ACIN1: variants seen among roughly 807,000 people sequenced by gnomAD.
ACIN1 encodes apoptotic chromatin condensation inducer in the nucleus.
ACIN1 carries 16 observed loss-of-function variants against 146.6 expected under a neutral mutation model. The ratio of observed to expected loss-of-function variants is 0.11; its 90% CI spans 0.07 to 0.17. The LOEUF is 0.17. Ranked by LOEUF, ACIN1 falls within the 10% of genes least tolerant of loss-of-function variation. ACIN1 has a pLI of 1.00. For missense variants in ACIN1, 1,357 were observed against 1,609.3 expected, an observed-to-expected ratio of 0.84 and a Z score of 2.68; for synonymous variants, 569 against 582.7, an observed-to-expected ratio of 0.98 and a Z score of 0.34.
In ACIN1 at chr14:23,071,224, A is replaced by G; in HGVS notation, c.2124-1607T>C. The G allele has an allele frequency of 6.6e-6, 10 of 1,516,918 alleles. No homozygotes were observed. In the South Asian group the frequency reaches 9.1e-5, roughly 14 times the overall value. 94.0% of individuals were successfully genotyped at this position (1,516,918 alleles called of 1,614,324 possible). On this transcript the variant is annotated intron_variant, in intron 8 of 18. Coordinates refer to ENST00000605057, the MANE Select transcript of ACIN1 (RefSeq NM_001386863.1). ...AAATAACAAAAACCAAACAAAAAAA[A>G]TCCTAAAAAAAATAAAGAAAAAAAA...
intron 8 of ACIN1, among the ~76,000 whole-genome samples, chr14:23,077,174 ACTACC>A (rs901012961): frequency 6.6e-6 from 1 of 152,232 alleles, no homozygotes; most frequent in South Asian, 2.1e-4. Context: ...TCACCTGCCC[ACTACC>A]CTCCAAAAGT....
chr14:23,081,117 G>C (rs2047933968), intron 5 of ACIN1, among the ~76,000 whole-genome samples: 1 of 151,808 alleles, frequency 6.6e-6, no homozygotes, highest in Admixed American at 6.6e-5. Context: ...GGTGGATAGG[G>C]GGCTGAAAGG....
intron 13 of ACIN1, 121 bp downstream of exon 13, chr14:23,063,315 A>C: frequency 7.5e-7 from 1 of 1,333,510 alleles, no homozygotes; most frequent in Non-Finnish European, 1.0e-6. Context: ...TAGGAGAAAG[A>C]TATGATATAC....
rs1395050722 is a variant in ACIN1, at chr14:23,068,287, G to C, written c.2265+1189C>G. 1.0e-6 allele frequency: 1 copy of C among 985,868 alleles called. No individual in the cohort carries two copies. The highest frequency in any genetic ancestry group is 1.2e-6 in the Non-Finnish European group (1 of 830,008). 61.1% of individuals were successfully genotyped at this position (985,868 alleles called of 1,614,324 possible). The stretch of plus-strand genomic sequence containing the variant: ...TAGATGGGGATCCCAACAGTCTGTA[G>C]CAAACAAGGCAACCCACAGTCCTCA... On this transcript the variant is annotated intron_variant, in intron 9 of 18. Transcript: ENST00000605057. The surrounding 1 kb of genome is among the most constrained non-coding windows in gnomAD (Gnocchi z 4.3).
At chr14:23,071,764 T>G in intron 8 of ACIN1, 5 of 451,304 alleles carry the variant, frequency 1.1e-5, no homozygotes, top group East Asian at 3.7e-5. Flanking sequence ...GCTGGAGTGC[T>G]CCCTCCTGGT....
chr14:23,059,821 T>C (rs2097550499), intron 18 of ACIN1, among the ~76,000 whole-genome samples: 1 of 150,444 alleles, frequency 6.6e-6, no homozygotes, highest in African/African-American at 2.5e-5. Flanking sequence ...GCCCGGCTAA[T>C]TTTTTTGTAT....
intron 10 of ACIN1, among the ~76,000 whole-genome samples, chr14:23,064,951 A>G (rs1229757484): frequency 6.6e-6 from 1 of 151,962 alleles, no homozygotes; most frequent in African/African-American, 2.4e-5. Context: ...CCATGGCTTC[A>G]GACTGAACAC....
chr14:23,095,190 C>A, upstream of ACIN1: 1 of 1,614,208 alleles, frequency 6.2e-7, no homozygotes, highest in Non-Finnish European at 8.5e-7. Context: ...TCGAACGTAC[C>A]GAGATGACCC....
rs2047175626 is a variant in ACIN1, at chr14:23,058,813, C to A, written c.*335G>T. The A allele has an allele frequency of 2.9e-6, 1 of 349,122 alleles. No homozygotes were observed. The highest frequency in any genetic ancestry group is 4.4e-5 in the South Asian group (1 of 22,850). 21.6% of individuals were successfully genotyped at this position (349,122 alleles called of 1,614,324 possible). A position where few individuals can be genotyped will look rare whatever the true frequency, so the allele number is the denominator to read the frequency against. On this transcript the variant is annotated 3_prime_UTR_variant, in exon 19 of 19. Transcript: ENST00000605057. Reference sequence around the variant, plus strand: ...TGTTCCCAAGAGAAGGCTGTAAGTACCCAGGGAGGTGGTAAGCAGGATGGA... The same window carrying A: ...TGTTCCCAAGAGAAGGCTGTAAGTAACCAGGGAGGTGGTAAGCAGGATGGA...
chr14:23,095,153 A>C, upstream of ACIN1: 1 of 1,614,156 alleles, frequency 6.2e-7, no homozygotes, highest in South Asian at 1.1e-5. Flanking sequence ...GGCTTCGGGC[A>C]TCTTCGGTAA....
intron 8 of ACIN1, among the ~76,000 whole-genome samples, chr14:23,074,404 A>G (rs1225362167): frequency 1.3e-5 from 2 of 151,852 alleles, no homozygotes; most frequent in African/African-American, 4.8e-5. Context: ...CATCTCTATT[A>G]AAAATAGAAA....
chr14:23,074,601 T>A (rs2047751981), intron 8 of ACIN1, among the ~76,000 whole-genome samples: 1 of 152,132 alleles, frequency 6.6e-6, no homozygotes, highest in South Asian at 2.1e-4. Flanking sequence ...TCCTTGAAAC[T>A]GTCCCCAAAA....
intron 5 of ACIN1, 87 bp downstream of exon 5, chr14:23,081,661 G>C: frequency 8.6e-7 from 1 of 1,162,334 alleles, no homozygotes; most frequent in South Asian, 1.4e-5. Flanking sequence ...TAAATGTAGA[G>C]ACATACAAAC....
intron 8 of ACIN1, among the ~76,000 whole-genome samples, chr14:23,070,731 A>G (rs1458044296): frequency 6.6e-6 from 1 of 151,998 alleles, no homozygotes; most frequent in African/African-American, 2.4e-5. Context: ...GCCGATAACC[A>G]CCACCAGAAA....
chr14:23,064,613 T>A, intron 10 of ACIN1, 125 bp from the exon 11 acceptor site: 3 of 1,382,150 alleles, frequency 2.2e-6, no homozygotes. Flanking sequence ...AAATCATATT[T>A]GGAGGCTGAG....
intron 9 of ACIN1, 184 bp from the exon 10 acceptor site, chr14:23,066,192 G>T: frequency 1.8e-6 from 1 of 548,684 alleles, no homozygotes; most frequent in Non-Finnish European, 3.2e-6. Context: ...CGGCAAAAAC[G>T]AAGCAGAATC....
At chr14:23,071,138 C>T (rs907428847) in intron 8 of ACIN1, 106 of 1,551,564 alleles carry the variant, frequency 6.8e-5, no homozygotes, top group Non-Finnish European at 8.9e-5. Context: ...TCTTTGCTTT[C>T]TGATAACATG....
intron 14 of ACIN1, 141 bp from the exon 15 acceptor site, chr14:23,062,664 T>C (rs2047325494): frequency 1.2e-6 from 1 of 844,322 alleles, no homozygotes; most frequent in African/African-American, 1.7e-5. Flanking sequence ...GCAGTAAGAA[T>C]GTGAGAAGAG....
At position 23,067,624 on chromosome 14, in the gene ACIN1, C is replaced by G. The variant is rs117406356; in HGVS notation, c.2266-1616G>C. 28,633 of 985,800 alleles carry G rather than the reference C, an allele frequency of 0.029. 450 individuals are homozygous for G. Among genetic ancestry groups the G allele is most frequent in the Non-Finnish European group, 0.032 (26,439 of 829,984 alleles). 61.1% of individuals were successfully genotyped at this position (985,800 alleles called of 1,614,324 possible). A position where few individuals can be genotyped will look rare whatever the true frequency, so the allele number is the denominator to read the frequency against. ...AAGGGGCAGAGACATCAGTCCTGGCCCTGAAGGGACATCATCTTGCAGTCC... is the reference window on the plus strand; with the variant it reads ...AAGGGGCAGAGACATCAGTCCTGGCGCTGAAGGGACATCATCTTGCAGTCC... On this transcript the variant is annotated intron_variant, in intron 9 of 18. Transcript: ENST00000605057. The surrounding 1 kb of genome is among the most constrained non-coding windows in gnomAD (Gnocchi z 4.6).
Sources: allele counts gnomAD v4.1 joint callset (sites outside exome capture counted in the v4.1 genomes callset), GRCh38; gene constraint gnomAD v4.1.1; non-coding constraint Gnocchi (gnomAD v3.1); transcripts MANE v1.5; gene names NCBI Gene and HGNC (gene_info 2026-07-23, HGNC 2026-07-21).